ZNF626: variants seen among roughly 807,000 people sequenced by gnomAD.
ZNF626 encodes the protein zinc finger protein 626, also known as CTC-513N18.7.
A neutral mutation model predicts 11.7 loss-of-function variants in ZNF626; 4 were observed. That is an observed-to-expected ratio of 0.34 (90% CI 0.17 to 0.78). The LOEUF (loss-of-function observed/expected upper bound fraction) is 0.78, where lower values mean the gene tolerates loss of function less well. ZNF626 is among the 30% of genes least tolerant of loss of function. The probability of loss-of-function intolerance (pLI) is 0.57; values close to 1 mark genes in which losing one functional copy is unlikely to be tolerated. For synonymous variants in ZNF626, 179 were observed against 198.6 expected (o/e 0.90, Z 0.83); for missense variants, 588 against 587.1 (o/e 1.00, Z -0.01).
chr19:20,631,536 T>C (rs1296582435), intron 3 of ZNF626, among the ~76,000 whole-genome samples: 24 of 149,748 alleles, frequency 1.6e-4, no homozygotes, highest in Non-Finnish European at 3.1e-4. Flanking sequence ...TTTACCATTA[T>C]GTAATGGCCT....
intron 1 of ZNF626, among the ~76,000 whole-genome samples, chr19:20,657,071 TAAAG>T (rs1555773199): frequency 6.6e-6 from 1 of 152,088 alleles, no homozygotes; most frequent in African/African-American, 2.4e-5. Context: ...GTAGACAAGA[TAAAG>T]AAAATATGGT....
At chr19:20,647,171 A>G (rs1357093089) in intron 1 of ZNF626, among the ~76,000 whole-genome samples, 2 of 152,166 alleles carry the variant, frequency 1.3e-5, no homozygotes, top group Admixed American at 1.3e-4. Context: ...AATAAGCTCA[A>G]CAGTAATGCC....
At chr19:20,650,946 T>C (rs1555772533) in intron 1 of ZNF626, among the ~76,000 whole-genome samples, 2 of 152,042 alleles carry the variant, frequency 1.3e-5, no homozygotes, top group African/African-American at 4.8e-5. Flanking sequence ...CTCAACACTT[T>C]GGGAAGCTGA....
chr19:20,625,644 C>G lies in ZNF626; in HGVS notation c.233G>C (p.Cys78Ser). 1 of 1,531,896 alleles carries G rather than the reference C, an allele frequency of 6.5e-7. No homozygotes were observed. The highest frequency in any genetic ancestry group is 8.7e-7 in the Non-Finnish European group (1 of 1,145,096). 94.9% of individuals were successfully genotyped at this position (1,531,896 alleles called of 1,614,324 possible). Residue 78 changes from cysteine to serine, a missense_variant, in exon 4 of 4, where the codon TGT becomes TCT. Physicochemically the swap from Cys to Ser is moderately radical, Grantham distance 112. Transcript: ENST00000601440. ...CCAAAGGTCTTGGGCAAAATGAGAA[C>G]ACATTACTGAAAGAAACAATAAAAA... ...NEMIAKPSVM[C>S]SHFAQDLWPE...
At chr19:20,644,209 T>C (rs1380125939) in intron 3 of ZNF626, among the ~76,000 whole-genome samples, 4 of 152,192 alleles carry the variant, frequency 2.6e-5, no homozygotes, top group East Asian at 1.9e-4. Flanking sequence ...CCTGCCTATA[T>C]AGAAACCCAC....
chr19:20,631,698 G>T (rs1453296505), intron 3 of ZNF626, among the ~76,000 whole-genome samples: 1 of 150,700 alleles, frequency 6.6e-6, no homozygotes, highest in Non-Finnish European at 1.5e-5. Flanking sequence ...ACGTGAGATG[G>T]GTTTCCTGAA....
intron 3 of ZNF626, among the ~76,000 whole-genome samples, chr19:20,638,454 T>TAAATAAATAAATAAAA (rs1343668030): frequency 8.0e-5 from 12 of 150,206 alleles, no homozygotes; most frequent in African/African-American, 2.7e-4. Context: ...AATAAATAAA[T>TAAATAAATAAATAAAA]AAAATTATAT....
rs1555769527 is a variant in ZNF626, at chr19:20,625,527, C to A, written c.350G>T (p.Cys117Phe). The A allele has an allele frequency of 6.2e-7, 1 of 1,613,624 alleles. No homozygotes were observed. The highest frequency in any genetic ancestry group is 1.7e-5 in the Admixed American group (1 of 59,952). ...CACCTTACACTCATCCACACTTATA[C>A]ATCCTTTTTTTAACTGTAAATTGTC... is the stretch of plus-strand genomic sequence containing the variant. ...EHDNLQLKKG[C>F]ISVDECKVHK... Residue 117 changes from cysteine to phenylalanine, a missense_variant, in exon 4 of 4, where the codon TGT (cysteine) becomes TTT (phenylalanine). Transcript: ENST00000601440.
In ZNF626 at chr19:20,622,274, C is replaced by G. The variant is rs555037036; in HGVS notation, c.*2016G>C. ...TTTTTAAATATATTGCATTTTATTA[C>G]GTAACAGTAAAATTAGTAAAATAAT... On this transcript the variant is annotated 3_prime_UTR_variant, in exon 4 of 4. Transcript: ENST00000601440. 1 of 152,224 alleles carries G rather than the reference C, an allele frequency of 6.6e-6. No individual in the cohort carries two copies. Among genetic ancestry groups the G allele is most frequent in the Non-Finnish European group, 1.5e-5 (1 of 68,012 alleles). The allele number at this position is 152,224 out of a possible 1,614,324, so 9.4% of individuals were successfully genotyped here.
intron 1 of ZNF626, among the ~76,000 whole-genome samples, chr19:20,648,583 A>C (rs943109447): frequency 3.9e-5 from 6 of 152,000 alleles, no homozygotes; most frequent in Non-Finnish European, 7.4e-5. Flanking sequence ...CACCATGTTG[A>C]CCAGGATGGT....
chr19:20,629,761 A>G (rs8112784), intron 3 of ZNF626, among the ~76,000 whole-genome samples: 1,610 of 152,192 alleles, frequency 0.011, 28 homozygotes, highest in African/African-American at 0.037. Context: ...CTAATTGAAT[A>G]CACTTTATTT....
intron 2 of ZNF626, among the ~76,000 whole-genome samples, 176 bp from the exon 3 acceptor site, chr19:20,645,955 A>C (rs1970072710): frequency 6.6e-6 from 1 of 152,160 alleles, no homozygotes; most frequent in Admixed American, 6.5e-5. Flanking sequence ...AGGTTTCTTA[A>C]TTTTACTACC....
chr19:20,633,556 G>C (rs1306619599), intron 3 of ZNF626, among the ~76,000 whole-genome samples: 3 of 152,222 alleles, frequency 2.0e-5, no homozygotes, highest in African/African-American at 7.2e-5. Flanking sequence ...TGCTAGCAAT[G>C]AGTGAGACTC....
intron 3 of ZNF626, among the ~76,000 whole-genome samples, chr19:20,626,738 G>A (rs541885505): frequency 6.6e-6 from 1 of 151,948 alleles, no homozygotes; most frequent in South Asian, 2.1e-4. Context: ...AAATAGGCTG[G>A]GCGCAATGGC....
At chr19:20,625,862 G>A (rs1182630532) in intron 3 of ZNF626, among the ~76,000 whole-genome samples, 1 of 152,072 alleles carries the variant, frequency 6.6e-6, no homozygotes, top group African/African-American at 2.4e-5. Context: ...GTTGTGAAGG[G>A]CCCCAGGTGA....
rs939366341 is a variant in ZNF626 at position 20,661,437 on chromosome 19, C to G, written c.3+7G>C. On this transcript the variant is annotated splice_region_variant and intron_variant, in intron 1 of 3. Transcript: ENST00000601440. ...CCTCTCTCGGGATGTCGGACCCTCA[C>G]TCTCACCATTTTTGGCTTCCAGGAG... The G allele has an allele frequency of 5.6e-6, 9 of 1,613,942 alleles. No individual in the cohort carries two copies. In the South Asian group the frequency reaches 8.8e-5, roughly 16 times the overall value.
Position 20,624,105 on chromosome 19 carries a change from T to G in ZNF626, c.*185A>C. On this transcript the variant is annotated 3_prime_UTR_variant, in exon 4 of 4. Coordinates refer to ENST00000601440, the MANE Select transcript of ZNF626 (RefSeq NM_001076675.3). ...TACCACATTATTCACATCTGTAGGG[T>G]TTCTCTCCAGTATGAAATCTCTTAT... 1 of 1,002,680 alleles carries G rather than the reference T, an allele frequency of 1.0e-6. No individual in the cohort carries two copies. 62.1% of individuals were successfully genotyped at this position (1,002,680 alleles called of 1,614,324 possible). A position where few individuals can be genotyped will look rare whatever the true frequency, so the allele number is the denominator to read the frequency against.
At chr19:20,629,426 C>T in intron 3 of ZNF626, among the ~76,000 whole-genome samples, 1 of 152,104 alleles carries the variant, frequency 6.6e-6, no homozygotes, top group African/African-American at 2.4e-5. Context: ...ATGGAATGTT[C>T]TTCCATTTGT....
Position 20,661,537 on chromosome 19 carries a change from G to GT in ZNF626, c.-92_-91insA. The GT allele has an allele frequency of 6.7e-7, 1 of 1,489,258 alleles. No homozygotes were observed. The highest frequency in any genetic ancestry group is 9.2e-7 in the Non-Finnish European group (1 of 1,083,742). The allele number at this position is 1,489,258 out of a possible 1,614,324, so 92.3% of individuals were successfully genotyped here. A position where few individuals can be genotyped will look rare whatever the true frequency, so the allele number is the denominator to read the frequency against. On this transcript the variant is annotated 5_prime_UTR_variant, in exon 1 of 4. Transcript: ENST00000601440. ...CACACAGCCTGGGCCTTTAGGAGAA[G>GT]AACCAGACCTGGAGCTCTGACTGCA...
Sources: gnomAD v4.1 joint callset for allele counts (sites outside exome capture counted in the v4.1 genomes callset) on GRCh38, gnomAD v4.1.1 for gene constraint, MANE v1.5 for transcripts, NCBI Gene and HGNC (gene_info 2026-07-23, HGNC 2026-07-21) for gene names.